RARB: variants seen among roughly 807,000 people sequenced by gnomAD.
RARB encodes retinoic acid receptor beta.
Under a neutral mutation model 51.9 loss-of-function variants are expected in RARB, and 17 were observed. The ratio of observed to expected loss-of-function variants is 0.33; its 90% CI spans 0.22 to 0.49. The LOEUF (loss-of-function observed/expected upper bound fraction) is 0.49, where lower values mean the gene tolerates loss of function less well. RARB is among the 20% of genes least tolerant of loss of function. The probability of loss-of-function intolerance (pLI) is 0.99; values close to 1 mark genes in which losing one functional copy is unlikely to be tolerated. For synonymous variants in RARB, 215 were observed against 195.4 expected, an observed-to-expected ratio of 1.10 and a Z score of -0.84; for missense variants, 369 against 550.8, an observed-to-expected ratio of 0.67 and a Z score of 3.30.
At chr3:25,342,471 C>T (rs2125451544) in intron 5 of RARB, among the ~76,000 whole-genome samples, 1 of 152,266 alleles carries the variant, frequency 6.6e-6, no homozygotes, top group Middle Eastern at 3.4e-3. Context: ...AGCCGTATGA[C>T]ACCATTTTGG....
chr3:25,405,376 A>G (rs887729711), intron 5 of RARB, among the ~76,000 whole-genome samples: 3 of 152,202 alleles, frequency 2.0e-5, no homozygotes, highest in African/African-American at 7.2e-5. Flanking sequence ...AACAACTACT[A>G]TATCAATAAA....
intron 5 of RARB, among the ~76,000 whole-genome samples, chr3:25,278,909 T>C (rs917374037): frequency 6.6e-6 from 1 of 152,170 alleles, no homozygotes; most frequent in Non-Finnish European, 1.5e-5. Flanking sequence ...TCTCAACTTA[T>C]TTGGTGTTTA....
At chr3:25,443,526 C>T (rs541292356) in intron 1 of RARB, among the ~76,000 whole-genome samples, 2 of 151,646 alleles carry the variant, frequency 1.3e-5, no homozygotes, top group East Asian at 1.9e-4. Context: ...GCAGGAGAAT[C>T]GCTTAAAACC....
intron 3 of RARB, among the ~76,000 whole-genome samples, chr3:25,063,898 C>T (rs1698605794): frequency 6.6e-6 from 1 of 151,952 alleles, no homozygotes. Flanking sequence ...TTAAGCACTA[C>T]TTTGTGACTT....
chr3:25,421,480 C>T (rs1460348016), intron 5 of RARB, among the ~76,000 whole-genome samples: 3 of 130,180 alleles, frequency 2.3e-5, no homozygotes, highest in East Asian at 2.4e-4. Context: ...GGTGCAATCT[C>T]GGCTCACTGC....
chr3:24,872,374 C>G (rs779110744), intron 2 of RARB, among the ~76,000 whole-genome samples: 1 of 152,176 alleles, frequency 6.6e-6, no homozygotes, highest in African/African-American at 2.4e-5. Flanking sequence ...CAAGTCTTCA[C>G]ACAAATCTCA....
chr3:25,565,272 C>A (rs1029128226), intron 3 of RARB, among the ~76,000 whole-genome samples: 8 of 152,110 alleles, frequency 5.3e-5, no homozygotes, highest in African/African-American at 1.9e-4. Flanking sequence ...TTCTCATCTG[C>A]AAAATGGGTA....
rs553466962 is a variant in RARB at position 25,415,277 on chromosome 3, C to G, written c.179-45916C>G. 4.6e-5 allele frequency among the ~76,000 whole-genome samples: 7 copies of G among 152,168 alleles called. No homozygotes were observed. The South Asian group carries it at 1.0e-3, about 23-fold the overall frequency. ...ATATCTAAAAAATCATTGCCTGATG[C>G]AAGATCACAAAATTTTCTCCTATTT... is the stretch of plus-strand genomic sequence containing the variant. On this transcript the variant is annotated intron_variant, in intron 5 of 11. Transcript: ENST00000383772.
At chr3:24,900,469 T>C (rs375197153) in intron 2 of RARB, among the ~76,000 whole-genome samples, 2 of 152,222 alleles carry the variant, frequency 1.3e-5, no homozygotes, top group Non-Finnish European at 2.9e-5. Context: ...CTTGGAAGTA[T>C]GCACATGAAG....
At chr3:25,423,106 G>A (rs962961104) in intron 5 of RARB, among the ~76,000 whole-genome samples, 2 of 152,290 alleles carry the variant, frequency 1.3e-5, no homozygotes, top group African/African-American at 4.8e-5. Flanking sequence ...AATGTTTGCT[G>A]ACCCCGGTTT....
intron 5 of RARB, among the ~76,000 whole-genome samples, chr3:25,276,782 T>G (rs943035615): frequency 9.9e-5 from 15 of 152,172 alleles, no homozygotes; most frequent in African/African-American, 3.6e-4. Flanking sequence ...AATGGCTGTG[T>G]GAAGACCAAG....
At chr3:25,144,468 A>G (rs1700156479) in intron 4 of RARB, among the ~76,000 whole-genome samples, 1 of 152,206 alleles carries the variant, frequency 6.6e-6, no homozygotes, top group Admixed American at 6.5e-5. Flanking sequence ...GCAAAGAACT[A>G]GAGACCCGTG....
At chr3:25,473,324 G>T (rs1575437777) in intron 2 of RARB, among the ~76,000 whole-genome samples, 1 of 152,120 alleles carries the variant, frequency 6.6e-6, no homozygotes, top group East Asian at 1.9e-4. Flanking sequence ...AAAATAGAGG[G>T]AAATAAAACT....
intron 5 of RARB, among the ~76,000 whole-genome samples, chr3:25,327,546 T>C (rs977059435): frequency 2.0e-5 from 3 of 152,180 alleles, no homozygotes; most frequent in Non-Finnish European, 2.9e-5. Flanking sequence ...AGTTTGAGCA[T>C]GGAATAGAGA....
intron 2 of RARB, among the ~76,000 whole-genome samples, chr3:25,469,063 C>A (rs962891182): frequency 6.6e-6 from 1 of 152,214 alleles, no homozygotes; most frequent in Admixed American, 6.5e-5. Flanking sequence ...CACTAGCCCC[C>A]TCAGTCCCTC....
At chr3:25,539,215 A>G (rs1699264370) in intron 3 of RARB, among the ~76,000 whole-genome samples, 1 of 152,220 alleles carries the variant, frequency 6.6e-6, no homozygotes, top group African/African-American at 2.4e-5. Context: ...GCTACCTGGC[A>G]ATGATCCTCT....
intron 3 of RARB, among the ~76,000 whole-genome samples, chr3:25,566,608 C>G (rs1383721748): frequency 3.3e-5 from 5 of 152,160 alleles, no homozygotes; most frequent in African/African-American, 1.2e-4. Context: ...AGGACCTCAC[C>G]CCTCCCTTTC....
chr3:25,404,942 CT>C (rs1707367291), intron 5 of RARB, among the ~76,000 whole-genome samples: 5 of 152,048 alleles, frequency 3.3e-5, no homozygotes, highest in Admixed American at 2.6e-4. Flanking sequence ...TTATTCTATC[CT>C]TTTTTTCTAT....
chr3:25,057,863 A>G (rs1698470207), intron 2 of RARB, among the ~76,000 whole-genome samples: 2 of 152,002 alleles, frequency 1.3e-5, no homozygotes, highest in Non-Finnish European at 2.9e-5. Flanking sequence ...GTCTTCTAAA[A>G]GAGCTCTTAC....
Sources: allele counts gnomAD v4.1 joint callset (sites outside exome capture counted in the v4.1 genomes callset), GRCh38; gene constraint gnomAD v4.1.1; transcripts MANE v1.5; gene names NCBI Gene and HGNC (gene_info 2026-07-23, HGNC 2026-07-21).